COL19A1: variants seen among roughly 807,000 people sequenced by gnomAD.
COL19A1 encodes collagen type XIX alpha 1 chain, also known as collagen alpha-1(XIX) chain.
In COL19A1, 159 loss-of-function variants were observed where a neutral mutation model predicts 190.2. The observed-to-expected ratio is 0.84, with a 90% confidence interval of 0.73 to 0.95. The LOEUF is 0.95. COL19A1 is among the 40% of genes least tolerant of loss of function. COL19A1 has a pLI of 0.00. For synonymous variants in COL19A1, 509 were observed against 458.9 expected (o/e 1.11, Z -1.39); for missense variants, 1,418 against 1,431.9 (o/e 0.99, Z 0.16).
At chr6:70,027,687 A>G (rs1195364163) in intron 12 of COL19A1, among the ~76,000 whole-genome samples, 1 of 149,886 alleles carries the variant, frequency 6.7e-6, no homozygotes, top group African/African-American at 2.5e-5. Flanking sequence ...CAAAACATAT[A>G]TTAAAATTTT....
At chr6:69,995,250 C>T (rs1177542056) in intron 11 of COL19A1, among the ~76,000 whole-genome samples, 1 of 152,170 alleles carries the variant, frequency 6.6e-6, no homozygotes, top group East Asian at 1.9e-4. Flanking sequence ...GTTATGGCAA[C>T]AGTTCTATGA....
At chr6:69,875,384 G>T (rs1768074120) in intron 1 of COL19A1, among the ~76,000 whole-genome samples, 1 of 152,156 alleles carries the variant, frequency 6.6e-6, no homozygotes, top group Non-Finnish European at 1.5e-5. Flanking sequence ...AAGCAAGGAA[G>T]TGACATGAAC....
At chr6:70,204,583 T>G (rs932795238) in intron 49 of COL19A1, among the ~76,000 whole-genome samples, 5 of 152,212 alleles carry the variant, frequency 3.3e-5, no homozygotes, top group Non-Finnish European at 7.3e-5. Context: ...TAATACCACA[T>G]GAACCGAAAT....
chr6:69,884,710 T>A (rs1022406108), intron 2 of COL19A1, among the ~76,000 whole-genome samples: 4 of 152,210 alleles, frequency 2.6e-5, no homozygotes, highest in South Asian at 2.1e-4. Context: ...TCCTCTTGGA[T>A]GACTATGTTC....
At chr6:70,033,218 A>G (rs1562103755) in intron 12 of COL19A1, among the ~76,000 whole-genome samples, 1 of 151,972 alleles carries the variant, frequency 6.6e-6, no homozygotes, top group Non-Finnish European at 1.5e-5. Flanking sequence ...TAAGTATCTA[A>G]TTTTCTTTTG....
At chr6:70,024,700 TA>T (rs1778636798) in intron 12 of COL19A1, among the ~76,000 whole-genome samples, 1 of 152,044 alleles carries the variant, frequency 6.6e-6, no homozygotes, top group Non-Finnish European at 1.5e-5. Flanking sequence ...GTATGTTAAC[TA>T]AAATAATAGT....
In COL19A1 at chr6:70,055,258, A is replaced by G. The variant is rs1233300952; in HGVS notation, c.1171-13165A>G. ...CAAATGTTGAGAAACATACCTATAC[A>G]TTTTAGGGCAAGTAGGTATGGATAT... On this transcript the variant is annotated intron_variant, in intron 14 of 50. Transcript: ENST00000620364. Among the ~76,000 whole-genome samples, 7 of 152,188 alleles carry G rather than the reference A, an allele frequency of 4.6e-5. No homozygotes were observed. In the East Asian group the frequency reaches 9.6e-4, roughly 21 times the overall value.
At chr6:70,178,737 C>T (rs1765973195) in intron 42 of COL19A1, among the ~76,000 whole-genome samples, 1 of 152,166 alleles carries the variant, frequency 6.6e-6, no homozygotes, top group Non-Finnish European at 1.5e-5. Context: ...CAGCTGATTA[C>T]CAAGGGGACC....
rs7762409 is a variant in COL19A1 at position 70,146,644 on chromosome 6, C to T, written c.1771-15C>T. 0.44 allele frequency: 705,972 copies of T among 1,587,852 alleles called. 160,549 individuals are homozygous for T. The highest frequency in any genetic ancestry group is 0.63 in the African/African-American group (46,202 of 73,616). On this transcript the variant is annotated splice_polypyrimidine_tract_variant and intron_variant, in intron 25 of 50. Transcript: ENST00000620364. ...TTCTAGAAGAAGATATGTATTCATACTTTTTTTCTTTTAGGGATTAGATGG... is the reference window on the plus strand; with the variant it reads ...TTCTAGAAGAAGATATGTATTCATATTTTTTTTCTTTTAGGGATTAGATGG...
intron 48 of COL19A1, among the ~76,000 whole-genome samples, chr6:70,192,998 T>G (rs1232405853): frequency 6.6e-6 from 1 of 152,192 alleles, no homozygotes; most frequent in Admixed American, 6.5e-5. Context: ...AACTTCAGTC[T>G]CTTAAGAGGC....
intron 36 of COL19A1, among the ~76,000 whole-genome samples, chr6:70,164,388 A>C (rs1342177067): frequency 6.6e-6 from 1 of 152,182 alleles, no homozygotes; most frequent in Non-Finnish European, 1.5e-5. Context: ...GAGCCACTCA[A>C]GCAGCTTCCA....
chr6:69,899,101 T>C (rs1193493790), intron 3 of COL19A1, 79 bp downstream of exon 3: 14 of 876,026 alleles, frequency 1.6e-5, no homozygotes, highest in Non-Finnish European at 2.2e-5. Context: ...ACATTATAGG[T>C]GAATCTTTGA....
Position 70,142,040 on chromosome 6 carries a change from C to T in COL19A1, c.1536C>T (p.Pro512=), listed in dbSNP as rs767962172. 14 of 1,611,968 alleles carry T rather than the reference C, an allele frequency of 8.7e-6. No individual in the cohort carries two copies. The highest frequency in any genetic ancestry group is 4.0e-5 in the African/African-American group (3 of 74,708). ...GTGTTTAGGGTGAACCTGGAGATCC[C>T]GGACCCCCTGGTTTAATAGGAAGCC... The part of the protein sequence containing the change: ...SQGVKGEPGD[P]GPPGLIGSPG... The change falls in exon 22 of 51, where the codon CCC becomes CCT. Residue 512 remains proline, a synonymous_variant. Coordinates refer to ENST00000620364, the MANE Select transcript of COL19A1 (RefSeq NM_001858.6).
Position 70,207,247 on chromosome 6 carries a change from T to G in COL19A1, c.3402T>G (p.His1134Gln). The stretch of plus-strand genomic sequence containing the variant: ...AAGATTGCCTCTATCCTGTGTCTCA[T>G]GCCCATCAGCGCACAGGTGGGAATT... The part of the protein sequence containing the change: ...NPEDCLYPVS[H>Q]AHQRTGGN The change falls in exon 51 of 51, where the codon CAT becomes CAG. Residue 1134 changes from histidine (H) to glutamine (Q), a missense_variant. Transcript: ENST00000620364. 1 of 1,613,950 alleles carries G rather than the reference T, an allele frequency of 6.2e-7. No individual in the cohort carries two copies. Among genetic ancestry groups the G allele is most frequent in the Non-Finnish European group, 8.5e-7 (1 of 1,179,930 alleles).
chr6:70,043,595 G>A (rs975722161), intron 14 of COL19A1, among the ~76,000 whole-genome samples: 1 of 152,170 alleles, frequency 6.6e-6, no homozygotes, highest in Non-Finnish European at 1.5e-5. Context: ...AACGACATTC[G>A]TCTCCTTGTA....
At chr6:69,979,305 C>G (rs991953038) in intron 11 of COL19A1, among the ~76,000 whole-genome samples, 7 of 151,712 alleles carry the variant, frequency 4.6e-5, no homozygotes, top group Non-Finnish European at 1.0e-4. Context: ...CAGAATTCAA[C>G]CATTCAGCAA....
At chr6:69,969,637 T>C (rs1322285392) in intron 11 of COL19A1, among the ~76,000 whole-genome samples, 4 of 152,182 alleles carry the variant, frequency 2.6e-5, no homozygotes, top group Admixed American at 6.5e-5. Flanking sequence ...TTGTGTTAGG[T>C]ATTATAAGTA....
At chr6:70,171,867 G>T in intron 40 of COL19A1, 97 bp from the exon 41 acceptor site, 1 of 960,336 alleles carries the variant, frequency 1.0e-6, no homozygotes, top group Non-Finnish European at 1.7e-6. Flanking sequence ...CAATGTTTGG[G>T]GTGGGAAGGT....
intron 11 of COL19A1, among the ~76,000 whole-genome samples, chr6:70,003,653 C>T (rs551086327): frequency 1.7e-4 from 26 of 150,996 alleles, no homozygotes; most frequent in African/African-American, 5.6e-4. Flanking sequence ...TTTTTTTAAT[C>T]GTAGTTGGTT....
Sources: gnomAD v4.1 joint callset for allele counts (sites outside exome capture counted in the v4.1 genomes callset) on GRCh38, gnomAD v4.1.1 for gene constraint, MANE v1.5 for transcripts, NCBI Gene and HGNC (gene_info 2026-07-23, HGNC 2026-07-21) for gene names.